The following ATRNL1 variants were observed in gnomAD, a reference collection of about 807,000 sequenced individuals.
The protein encoded by ATRNL1 is attractin like 1, also known as attractin-like protein 1.
A neutral mutation model predicts 182.7 loss-of-function variants in ATRNL1; 95 were observed. The observed-to-expected ratio is 0.52, with a 90% CI of 0.44 to 0.62. The LOEUF is 0.62. Ranked by LOEUF, ATRNL1 falls within the 20% of genes least tolerant of loss-of-function variation. The probability of loss-of-function intolerance (pLI) is 0.00; values close to 1 mark genes in which losing one functional copy is unlikely to be tolerated. For synonymous variants in ATRNL1, 576 were observed against 568.3 expected (o/e 1.01, Z -0.19); for missense variants, 1,471 against 1,679.5 (o/e 0.88, Z 2.17).
At chr10:115,623,001 C>T (rs924130544) in intron 26 of ATRNL1, among the ~76,000 whole-genome samples, 11 of 152,082 alleles carry the variant, frequency 7.2e-5, no homozygotes, top group African/African-American at 1.9e-4. Flanking sequence ...TTTATCACAA[C>T]GGTATAATAA....
At chr10:115,750,262 A>G (rs921845589) in intron 27 of ATRNL1, among the ~76,000 whole-genome samples, 35 of 151,966 alleles carry the variant, frequency 2.3e-4, no homozygotes, top group African/African-American at 8.2e-4. Flanking sequence ...TTTATAATAA[A>G]ATATAATAGT....
intron 27 of ATRNL1, among the ~76,000 whole-genome samples, chr10:115,767,729 T>C (rs1948892193): frequency 6.6e-6 from 1 of 152,204 alleles, no homozygotes; most frequent in Non-Finnish European, 1.5e-5. Context: ...GTTCTCTTTT[T>C]CTTTATAGCT....
At chr10:115,364,695 T>A (rs1856933165) in intron 19 of ATRNL1, among the ~76,000 whole-genome samples, 1 of 151,780 alleles carries the variant, frequency 6.6e-6, no homozygotes, top group South Asian at 2.1e-4. Context: ...ATACATCCCA[T>A]CAATACCTAA....
At chr10:115,235,224 C>A (rs1039016811) in intron 9 of ATRNL1, among the ~76,000 whole-genome samples, 33 of 152,090 alleles carry the variant, frequency 2.2e-4, no homozygotes, top group African/African-American at 7.2e-4. Context: ...TGTGAAAAAA[C>A]CTTTTTTATT....
chr10:115,695,541 G>A (rs1318310328), intron 26 of ATRNL1, among the ~76,000 whole-genome samples: 4 of 152,034 alleles, frequency 2.6e-5, no homozygotes, highest in African/African-American at 4.8e-5. Flanking sequence ...GAGTAAATGT[G>A]ATTTGTATTG....
At chr10:115,497,914 C>A in intron 24 of ATRNL1, among the ~76,000 whole-genome samples, 1 of 152,098 alleles carries the variant, frequency 6.6e-6, no homozygotes. Context: ...CCTAGGCCTC[C>A]CGCAGTGCTG....
At chr10:115,710,805 A>G (rs1555054297) in intron 26 of ATRNL1, among the ~76,000 whole-genome samples, 1 of 152,132 alleles carries the variant, frequency 6.6e-6, no homozygotes, top group Non-Finnish European at 1.5e-5. Context: ...AAATACCCTA[A>G]TAAATCATTC....
intron 28 of ATRNL1, among the ~76,000 whole-genome samples, chr10:115,915,885 A>G (rs890687875): frequency 1.3e-5 from 2 of 152,006 alleles, no homozygotes; most frequent in Admixed American, 6.6e-5. Flanking sequence ...TAAGGCCACA[A>G]TTTAATTGCA....
At chr10:115,430,279 G>A (rs1412353414) in intron 21 of ATRNL1, among the ~76,000 whole-genome samples, 3 of 151,888 alleles carry the variant, frequency 2.0e-5, no homozygotes, top group Admixed American at 6.6e-5. Context: ...CTATTTCATA[G>A]CATTAGCTTT....
At chr10:115,456,495 G>A (rs1156522431) in intron 21 of ATRNL1, among the ~76,000 whole-genome samples, 2 of 152,086 alleles carry the variant, frequency 1.3e-5, no homozygotes, top group African/African-American at 4.8e-5. Context: ...GGGGTGACGG[G>A]TAAGGTGAAG....
At position 115,394,742 on chromosome 10, in the gene ATRNL1, C is replaced by T; in HGVS notation, c.3259C>T (p.Gln1087Ter). 6.3e-7 allele frequency: 1 copy of T among 1,596,824 alleles called. No homozygotes were observed. Among genetic ancestry groups the T allele is most frequent in the Non-Finnish European group, 8.5e-7 (1 of 1,171,570 alleles). ...FCTTKGIKGD[Q>*]CQLCDSENRY... ...CACAACTAAAGGAATAAAAGGTGAC[C>T]AATGCCAATTGTAAGTAAGAATGAC... The change falls in exon 20 of 29, where the codon CAA (glutamine) becomes TAA (stop). Residue 1087 changes from glutamine to a stop codon, truncating the protein, a stop_gained. Transcript: ENST00000355044. LOFTEE classifies it high-confidence loss of function.
chr10:115,463,925 C>T (rs1847933216), intron 22 of ATRNL1, among the ~76,000 whole-genome samples: 1 of 152,008 alleles, frequency 6.6e-6, no homozygotes, highest in South Asian at 2.1e-4. Context: ...AGATATCTGA[C>T]TCAAAATGTG....
chr10:115,859,497 A>G (rs549590804), intron 28 of ATRNL1, among the ~76,000 whole-genome samples: 3 of 152,350 alleles, frequency 2.0e-5, no homozygotes, highest in South Asian at 4.1e-4. Flanking sequence ...AAAGGCAGGC[A>G]GAAGGGAACT....
rs1845129890 is a variant in ATRNL1 at position 115,129,525 on chromosome 10, T to C, written c.819T>C (p.Asp273=). The part of the protein sequence containing the change: ...LTGEKLCVCN[D]SWQGPDCSLN... ...GAGAAAAATTATGTGTCTGCAATGA[T>C]AGTTGGCAAGGTAAGCATGTGTGGT... Residue 273 remains aspartate, a synonymous_variant, in exon 5 of 29, where the codon GAT becomes GAC. Coordinates refer to ENST00000355044, the MANE Select transcript of ATRNL1 (RefSeq NM_207303.4). 2 of 1,613,888 alleles carry C rather than the reference T, an allele frequency of 1.2e-6. No individual in the cohort carries two copies. Among genetic ancestry groups the C allele is most frequent in the African/African-American group, 1.3e-5 (1 of 74,938 alleles).
At chr10:115,807,261 G>A (rs577455024) in intron 27 of ATRNL1, among the ~76,000 whole-genome samples, 13 of 152,104 alleles carry the variant, frequency 8.5e-5, no homozygotes, top group Admixed American at 2.0e-4. Flanking sequence ...GATTACAAGC[G>A]TGTGTCACCA....
At chr10:115,917,619 G>T (rs1260607212) in intron 28 of ATRNL1, among the ~76,000 whole-genome samples, 6 of 152,148 alleles carry the variant, frequency 3.9e-5, no homozygotes, top group Admixed American at 2.0e-4. Context: ...AACGAGAGAG[G>T]TTATTTAAAT....
At chr10:115,259,029 G>A (rs782090084) in intron 10 of ATRNL1, among the ~76,000 whole-genome samples, 2 of 152,162 alleles carry the variant, frequency 1.3e-5, no homozygotes, top group Non-Finnish European at 2.9e-5. Flanking sequence ...TGAGGTGTCG[G>A]TCAGCCCCTA....
intron 1 of ATRNL1, among the ~76,000 whole-genome samples, chr10:115,108,143 G>A (rs1844099404): frequency 6.6e-6 from 1 of 151,998 alleles, no homozygotes; most frequent in South Asian, 2.1e-4. Flanking sequence ...ATTACTTTCT[G>A]CTTCCCTTTT....
At chr10:115,538,920 C>T (rs1370168752) in intron 25 of ATRNL1, among the ~76,000 whole-genome samples, 2 of 152,148 alleles carry the variant, frequency 1.3e-5, no homozygotes, top group South Asian at 2.1e-4. Context: ...TTTAGATACA[C>T]AAAAACCATT....
Sources: gnomAD v4.1 joint callset for allele counts (sites outside exome capture counted in the v4.1 genomes callset) on GRCh38, gnomAD v4.1.1 for gene constraint, MANE v1.5 for transcripts, NCBI Gene and HGNC (gene_info 2026-07-23, HGNC 2026-07-21) for gene names.